SNRPD3: variants seen among roughly 807,000 people sequenced by gnomAD.
The protein encoded by SNRPD3 is small nuclear ribonucleoprotein D3 polypeptide.
For missense variants in SNRPD3, 73 were observed against 167.5 expected, an observed-to-expected ratio of 0.44 and a Z score of 3.11; for synonymous variants, 66 against 58.4, an observed-to-expected ratio of 1.13 and a Z score of -0.59.
chr22:24,574,607 C>T lies in SNRPD3; in HGVS notation c.*2630C>T, dbSNP rs1343484933. Among the ~76,000 whole-genome samples, 1 of 152,194 alleles carries T rather than the reference C, an allele frequency of 6.6e-6. No homozygotes were observed. Among genetic ancestry groups the T allele is most frequent in the Non-Finnish European group, 1.5e-5 (1 of 68,034 alleles). ...CCAGGCGGGAGTGCAATGGCACAAT[C>T]ATGGCTCACTGCAGCCTCAACCTTC... is the stretch of plus-strand genomic sequence containing the variant. On this transcript the variant is annotated 3_prime_UTR_variant, in exon 4 of 4. Transcript: ENST00000215829.
chr22:24,571,906 TC>T lies in SNRPD3; in HGVS notation c.320-7del, dbSNP rs2045253924. 6.2e-7 allele frequency: 1 copy of T among 1,614,082 alleles called. No homozygotes were observed. Among genetic ancestry groups the T allele is most frequent in the South Asian group, 1.1e-5 (1 of 91,074 alleles). ...ACTGACCTGGCCTCATATTTTCTCT[TC>T]CCTTTCAGTGGCCGCAAGAGGAAGA... is the stretch of plus-strand genomic sequence containing the variant. On this transcript the variant is annotated splice_polypyrimidine_tract_variant and intron_variant, in intron 3 of 3. Coordinates refer to ENST00000215829, the MANE Select transcript of SNRPD3 (RefSeq NM_004175.5).
In SNRPD3 at chr22:24,573,872, C is replaced by T. The variant is rs1296266872; in HGVS notation, c.*1895C>T. On this transcript the variant is annotated 3_prime_UTR_variant, in exon 4 of 4. Coordinates refer to ENST00000215829, the MANE Select transcript of SNRPD3 (RefSeq NM_004175.5). Reference sequence around the variant, plus strand: ...CTCCAGCCTGGATGACAGTGAGACCCTGTCTCTTAAATAAAAAACAAATGA... The same window carrying T: ...CTCCAGCCTGGATGACAGTGAGACCTTGTCTCTTAAATAAAAAACAAATGA... Among the ~76,000 whole-genome samples, 1 of 152,188 alleles carries T rather than the reference C, an allele frequency of 6.6e-6. No homozygotes were observed. Among genetic ancestry groups the T allele is most frequent in the Non-Finnish European group, 1.5e-5 (1 of 68,034 alleles).
At position 24,574,357 on chromosome 22, in the gene SNRPD3, A is replaced by G. The variant is rs1037746401; in HGVS notation, c.*2380A>G. Among the ~76,000 whole-genome samples the G allele has an allele frequency of 2.0e-5, 3 of 152,148 alleles. No homozygotes were observed. Among genetic ancestry groups the G allele is most frequent in the African/African-American group, 7.2e-5 (3 of 41,430 alleles). On this transcript the variant is annotated 3_prime_UTR_variant, in exon 4 of 4. Transcript: ENST00000215829. ...TTTTATATCCTGCATCTTAGGGGGG[A>G]AAATCAGTTGACGCAGATTGAAAAC... is the stretch of plus-strand genomic sequence containing the variant.
chr22:24,560,652 ACTC>A (rs1159388825), intron 2 of SNRPD3, among the ~76,000 whole-genome samples: 1 of 145,758 alleles, frequency 6.9e-6, no homozygotes, highest in Non-Finnish European at 1.5e-5. Flanking sequence ...CTGGTCTCAA[ACTC>A]CTGAGTTTGC....
At chr22:24,560,162 G>GCTGCAGTCTTGCTCTGTCACCCAGGCT (rs2045120136) in intron 2 of SNRPD3, among the ~76,000 whole-genome samples, 1 of 135,534 alleles carries the variant, frequency 7.4e-6, no homozygotes, top group South Asian at 2.3e-4. Context: ...TGTCACCCAG[G>GCTGCAGTCTTGCTCTGTCACCCAGGCT]CTGGAGTGCA....
chr22:24,556,843 G>C (rs2045076047), intron 1 of SNRPD3, among the ~76,000 whole-genome samples: 1 of 152,206 alleles, frequency 6.6e-6, no homozygotes, highest in Non-Finnish European at 1.5e-5. Context: ...TTGAAACTTA[G>C]AGTTGTTGCT....
chr22:24,560,696 G>C lies in SNRPD3; in HGVS notation c.126+2896G>C, dbSNP rs1282991123. ...CCTCCCAAGTGCTAGGATTACAGGC[G>C]TGAGCCACTGCACCTGGCCTTTTTT... is the stretch of plus-strand genomic sequence containing the variant. On this transcript the variant is annotated intron_variant, in intron 2 of 3. Coordinates refer to ENST00000215829, the MANE Select transcript of SNRPD3 (RefSeq NM_004175.5). 3.8e-5 allele frequency among the ~76,000 whole-genome samples: 5 copies of C among 131,744 alleles called. No individual in the cohort carries two copies. The Admixed American group carries it at 4.0e-4, about 11-fold the overall frequency. The allele number at this position is 131,744 out of a possible 152,430, so 86.4% of individuals were successfully genotyped here.
chr22:24,565,278 G>A (rs186863378), intron 2 of SNRPD3, among the ~76,000 whole-genome samples: 3 of 152,138 alleles, frequency 2.0e-5, no homozygotes, highest in East Asian at 1.9e-4. Context: ...CCATGTAAGC[G>A]TGGTGTGACC....
At chr22:24,562,461 G>A (rs974829039) in intron 2 of SNRPD3, among the ~76,000 whole-genome samples, 8 of 152,084 alleles carry the variant, frequency 5.3e-5, no homozygotes, top group African/African-American at 7.2e-5. Context: ...GGAGAATGGC[G>A]TGAACCCAGG....
intron 2 of SNRPD3, among the ~76,000 whole-genome samples, chr22:24,567,159 C>A (rs2045204003): frequency 6.6e-6 from 1 of 152,202 alleles, no homozygotes; most frequent in South Asian, 2.1e-4. Flanking sequence ...TCTGTCTCAC[C>A]TTCTAGAGTA....
intron 2 of SNRPD3, 47 bp from the exon 3 acceptor site, chr22:24,567,937 G>T: frequency 6.8e-7 from 1 of 1,475,206 alleles, no homozygotes; most frequent in Non-Finnish European, 9.3e-7. Flanking sequence ...CCTCCCCACC[G>T]CTGGTGCTGT....
rs1448391645 is a variant in SNRPD3 at position 24,574,958 on chromosome 22, A to G, written c.*2981A>G. On this transcript the variant is annotated 3_prime_UTR_variant, in exon 4 of 4. Transcript: ENST00000215829. ...TGTCAAATTATTAAGATGTGATTAA[A>G]CTTTTTAAAAATATGACAGTGTCAT... Among the ~76,000 whole-genome samples the G allele has an allele frequency of 6.6e-6, 1 of 152,160 alleles. No homozygotes were observed. The highest frequency in any genetic ancestry group is 6.5e-5 in the Admixed American group (1 of 15,274).
chr22:24,563,325 G>A (rs995713148), intron 2 of SNRPD3, among the ~76,000 whole-genome samples: 2 of 150,668 alleles, frequency 1.3e-5, no homozygotes, highest in African/African-American at 2.5e-5. Context: ...TTTAAAGGAA[G>A]AAGAGGAAAT....
chr22:24,571,782 A>G, intron 3 of SNRPD3, 134 bp from the exon 4 acceptor site: 2 of 761,178 alleles, frequency 2.6e-6, no homozygotes, highest in Non-Finnish European at 4.3e-6. Context: ...GTGGAAATGC[A>G]ATGGCCAGGG....
At chr22:24,569,227 C>G (rs1219978018) in intron 3 of SNRPD3, among the ~76,000 whole-genome samples, 1 of 152,150 alleles carries the variant, frequency 6.6e-6, no homozygotes, top group African/African-American at 2.4e-5. Context: ...TTAGTACATT[C>G]CAAAAGTGGG....
intron 3 of SNRPD3, among the ~76,000 whole-genome samples, chr22:24,569,448 T>C (rs2045228202): frequency 6.6e-6 from 1 of 152,234 alleles, no homozygotes; most frequent in African/African-American, 2.4e-5. Flanking sequence ...ACATGTTTTA[T>C]ATGTGTGTGA....
At chr22:24,563,824 C>T (rs1174530122) in intron 2 of SNRPD3, among the ~76,000 whole-genome samples, 7 of 152,026 alleles carry the variant, frequency 4.6e-5, no homozygotes, top group Admixed American at 3.3e-4. Flanking sequence ...GAAAACTGGT[C>T]TCTGTATGGA....
At position 24,573,445 on chromosome 22, in the gene SNRPD3, T is replaced by C. The variant is rs537468379; in HGVS notation, c.*1468T>C. Among the ~76,000 whole-genome samples the C allele has an allele frequency of 6.6e-6, 1 of 152,248 alleles. No individual in the cohort carries two copies. Among genetic ancestry groups the C allele is most frequent in the East Asian group, 1.9e-4 (1 of 5,186 alleles). Reference sequence around the variant, plus strand: ...GTAATGAAAGAGGAGGGGAAAAAAATCCAGCACATTAGTTAACCTGGCATC... The same window carrying C: ...GTAATGAAAGAGGAGGGGAAAAAAACCCAGCACATTAGTTAACCTGGCATC... On this transcript the variant is annotated 3_prime_UTR_variant, in exon 4 of 4. Transcript: ENST00000215829.
intron 2 of SNRPD3, among the ~76,000 whole-genome samples, chr22:24,560,130 C>CACCCAGGCTGCAGTCTTGCTCTGTT (rs2045119788): frequency 8.2e-6 from 1 of 121,512 alleles, no homozygotes; most frequent in Non-Finnish European, 1.6e-5. Flanking sequence ...CTTGCTCTGT[C>CACCCAGGCTGCAGTCTTGCTCTGTT]ACCCAGGCTG....
Sources: gnomAD v4.1 joint callset for allele counts (sites outside exome capture counted in the v4.1 genomes callset) on GRCh38, gnomAD v4.1.1 for gene constraint, MANE v1.5 for transcripts, NCBI Gene and HGNC (gene_info 2026-07-23, HGNC 2026-07-21) for gene names.